NDRG3: variants seen among roughly 807,000 people sequenced by gnomAD.
NDRG3 encodes protein NDRG3.
NDRG3 carries 23 observed loss-of-function variants against 57.2 expected under a neutral mutation model. The ratio of observed to expected loss-of-function variants is 0.40; its 90% CI spans 0.29 to 0.57. The LOEUF (loss-of-function observed/expected upper bound fraction) is 0.57. NDRG3 is among the 20% of genes least tolerant of loss of function. The pLI is 0.42. For missense variants in NDRG3, 384 were observed against 457.3 expected, an observed-to-expected ratio of 0.84 and a Z score of 1.46; for synonymous variants, 132 against 162.6, an observed-to-expected ratio of 0.81 and a Z score of 1.43.
chr20:36,667,615 T>G (rs1486439822), intron 9 of NDRG3, among the ~76,000 whole-genome samples: 4 of 152,196 alleles, frequency 2.6e-5, no homozygotes, highest in African/African-American at 9.7e-5. Context: ...TACATAAGCA[T>G]ACATGTAAAT....
At chr20:36,714,998 GTGTGTGTGTATATATATA>G (rs1984154313) in intron 2 of NDRG3, among the ~76,000 whole-genome samples, 1 of 56,882 alleles carries the variant, frequency 1.8e-5, no homozygotes, top group African/African-American at 8.2e-5. Flanking sequence ...GTGTGTGTGT[GTGTGTGTGTATATATATA>G]TATATATATA....
intron 3 of NDRG3, 133 bp from the exon 4 acceptor site, chr20:36,688,917 G>A: frequency 2.9e-6 from 2 of 685,630 alleles, no homozygotes; most frequent in Non-Finnish European, 5.2e-6. Context: ...CATGTGGCTG[G>A]GCGTGGTGGT....
chr20:36,725,600 T>TAAA (rs548128722), intron 1 of NDRG3, among the ~76,000 whole-genome samples: 4 of 82,426 alleles, frequency 4.9e-5, no homozygotes, highest in African/African-American at 9.4e-5. Context: ...AGACTCCGTC[T>TAAA]AAAAAAAAAA....
rs149839767 is a variant in NDRG3 at position 36,669,584 on chromosome 20, C to T, written c.588+1757G>A. On this transcript the variant is annotated intron_variant, in intron 9 of 15. Coordinates refer to ENST00000349004, the MANE Select transcript of NDRG3 (RefSeq NM_032013.4). ...TTCTCCGTGTTGGTCAGGCTGGACT[C>T]GAACTCCCAACCTTAGGTGATCCAC... Among the ~76,000 whole-genome samples, 481 of 152,062 alleles carry T rather than the reference C, an allele frequency of 3.2e-3. 4 individuals are homozygous for T. The highest frequency in any genetic ancestry group is 0.011 in the African/African-American group (459 of 41,486).
intron 1 of NDRG3, among the ~76,000 whole-genome samples, chr20:36,733,690 C>G (rs1293691102): frequency 6.6e-6 from 1 of 150,952 alleles, no homozygotes; most frequent in Non-Finnish European, 1.5e-5. Flanking sequence ...GAGCGAGACT[C>G]CATCTCAAAA....
chr20:36,743,420 G>A (rs1986013652), intron 1 of NDRG3, among the ~76,000 whole-genome samples: 3 of 152,176 alleles, frequency 2.0e-5, no homozygotes, highest in Admixed American at 2.0e-4. Flanking sequence ...CTTGAACCCA[G>A]GATGCGGAGG....
chr20:36,728,873 C>G (rs1431116773), intron 1 of NDRG3, among the ~76,000 whole-genome samples: 2 of 152,040 alleles, frequency 1.3e-5, no homozygotes, highest in Non-Finnish European at 1.5e-5. Context: ...CTATAGGTGC[C>G]ACCATGCCCA....
At chr20:36,673,518 A>T (rs1407509666) in intron 8 of NDRG3, among the ~76,000 whole-genome samples, 1 of 151,634 alleles carries the variant, frequency 6.6e-6, no homozygotes, top group Non-Finnish European at 1.5e-5. Context: ...GTGATTCTTC[A>T]ACCTCAGCTC....
intron 6 of NDRG3, among the ~76,000 whole-genome samples, chr20:36,683,403 G>A (rs893767136): frequency 6.6e-6 from 1 of 151,226 alleles, no homozygotes; most frequent in African/African-American, 2.4e-5. Flanking sequence ...CATTGAAGGT[G>A]AGGAGTTCGA....
At position 36,659,553 on chromosome 20, in the gene NDRG3, AGT is replaced by A. The variant is rs539150147; in HGVS notation, c.858+782_858+783del. Among the ~76,000 whole-genome samples the A allele has an allele frequency of 2.3e-3, 356 of 152,236 alleles. 1 individual carries two copies. Among genetic ancestry groups the A allele is most frequent in the Non-Finnish European group, 3.9e-3 (265 of 68,002 alleles). The stretch of plus-strand genomic sequence containing the variant: ...TTCCATATGCTTTCCTCTTTTTTGC[AGT>A]GTTTTACAATGAGAACATATTCAGG... On this transcript the variant is annotated intron_variant, in intron 13 of 15. Coordinates refer to ENST00000349004, the MANE Select transcript of NDRG3 (RefSeq NM_032013.4).
At chr20:36,681,947 G>A (rs1373211498) in intron 7 of NDRG3, among the ~76,000 whole-genome samples, 1 of 151,996 alleles carries the variant, frequency 6.6e-6, no homozygotes, top group Non-Finnish European at 1.5e-5. Context: ...ATCCACCCGT[G>A]TCGGCCTCCC....
intron 2 of NDRG3, among the ~76,000 whole-genome samples, chr20:36,712,810 G>A (rs929540623): frequency 2.0e-5 from 3 of 151,326 alleles, no homozygotes; most frequent in Non-Finnish European, 2.9e-5. Flanking sequence ...TGCCCAGGGT[G>A]GTCTCCAACT....
At chr20:36,659,328 CT>C (rs1289023580) in intron 13 of NDRG3, among the ~76,000 whole-genome samples, 2 of 152,036 alleles carry the variant, frequency 1.3e-5, no homozygotes, top group Non-Finnish European at 2.9e-5. Flanking sequence ...GGGTCTCATT[CT>C]GTCACCCAGG....
chr20:36,680,515 T>C (rs1390174262), intron 8 of NDRG3, among the ~76,000 whole-genome samples: 2 of 151,444 alleles, frequency 1.3e-5, no homozygotes, highest in African/African-American at 2.4e-5. Flanking sequence ...GTTTCTATGA[T>C]TCCAATTTAA....
chr20:36,679,402 A>C (rs566301240), intron 8 of NDRG3, among the ~76,000 whole-genome samples: 1 of 152,248 alleles, frequency 6.6e-6, no homozygotes, highest in East Asian at 1.9e-4. Flanking sequence ...AGGAATATGC[A>C]CAGCAGCTTT....
At chr20:36,710,575 G>A (rs968886004) in intron 2 of NDRG3, among the ~76,000 whole-genome samples, 9 of 152,242 alleles carry the variant, frequency 5.9e-5, no homozygotes, top group East Asian at 5.8e-4. Flanking sequence ...TTGGGAAGCC[G>A]AGGCGGATAG....
At chr20:36,678,604 T>C (rs1232860914) in intron 8 of NDRG3, among the ~76,000 whole-genome samples, 1 of 152,110 alleles carries the variant, frequency 6.6e-6, no homozygotes, top group Non-Finnish European at 1.5e-5. Flanking sequence ...TGCTTAAACC[T>C]GGGAGGCAGA....
At chr20:36,711,088 G>A (rs940706884) in intron 2 of NDRG3, among the ~76,000 whole-genome samples, 7 of 149,470 alleles carry the variant, frequency 4.7e-5, no homozygotes, top group African/African-American at 1.5e-4. Context: ...AGACCATCCT[G>A]TGTAACACGG....
intron 1 of NDRG3, among the ~76,000 whole-genome samples, chr20:36,738,255 C>CT (rs948625726): frequency 2.0e-4 from 30 of 151,508 alleles, no homozygotes; most frequent in Non-Finnish European, 3.4e-4. Context: ...AAAAGCAACA[C>CT]TTTCTCCTAG....
Sources: gnomAD v4.1 joint callset for allele counts (sites outside exome capture counted in the v4.1 genomes callset) on GRCh38, gnomAD v4.1.1 for gene constraint, MANE v1.5 for transcripts, NCBI Gene and HGNC (gene_info 2026-07-23, HGNC 2026-07-21) for gene names.